Variants in KIF27 observed in about 807,000 individuals in gnomAD.
KIF27 encodes the protein kinesin-like protein KIF27.
KIF27 carries 84 observed loss-of-function variants against 141.8 expected under a neutral mutation model. The observed-to-expected ratio is 0.59, with a 90% CI of 0.50 to 0.71. KIF27 has a LOEUF of 0.71. Among genes scored for constraint, KIF27 ranks in the 30% least tolerant of loss-of-function variants. KIF27 has a pLI of 0.00. For synonymous variants in KIF27, 471 were observed against 569.5 expected (o/e 0.83, Z 2.46); for missense variants, 1,306 against 1,628.4 (o/e 0.80, Z 3.41).
At chr9:83,839,287 C>G (rs902515470) in intron 17 of KIF27, among the ~76,000 whole-genome samples, 4 of 152,192 alleles carry the variant, frequency 2.6e-5, no homozygotes, top group Non-Finnish European at 5.9e-5. Flanking sequence ...CACTTGGATT[C>G]TTCACAAGAA....
At chr9:83,885,460 A>G (rs150297274) in intron 9 of KIF27, among the ~76,000 whole-genome samples, 1 of 152,164 alleles carries the variant, frequency 6.6e-6, no homozygotes, top group Non-Finnish European at 1.5e-5. Flanking sequence ...TATAAAAGTT[A>G]TTTAACTAAA....
chr9:83,838,149 G>A (rs1946116062), intron 17 of KIF27, among the ~76,000 whole-genome samples: 1 of 152,122 alleles, frequency 6.6e-6, no homozygotes, highest in Non-Finnish European at 1.5e-5. Flanking sequence ...ATGCATACAA[G>A]TACTAGACCT....
chr9:83,845,895 C>T (rs572084005), intron 16 of KIF27, among the ~76,000 whole-genome samples: 14 of 152,262 alleles, frequency 9.2e-5, no homozygotes, highest in African/African-American at 3.4e-4. Flanking sequence ...ATATTTGTAT[C>T]CCAAGTGAGT....
At chr9:83,861,955 C>T (rs1949961221) in intron 13 of KIF27, among the ~76,000 whole-genome samples, 1 of 152,158 alleles carries the variant, frequency 6.6e-6, no homozygotes, top group Non-Finnish European at 1.5e-5. Flanking sequence ...TTTCATGTGT[C>T]TGTTGGCTGC....
At chr9:83,919,156 A>G (rs1051185641) in intron 1 of KIF27, among the ~76,000 whole-genome samples, 4 of 152,230 alleles carry the variant, frequency 2.6e-5, no homozygotes, top group African/African-American at 4.8e-5. Context: ...AAGACAGATC[A>G]TAAGTGTTGG....
At position 83,903,574 on chromosome 9, in the gene KIF27, A is replaced by G; in HGVS notation, c.944T>C (p.Ile315Thr). Residue 315 changes from isoleucine to threonine, a missense_variant, in exon 4 of 18, where the codon ATC becomes ACC. Around this residue, in one of 4 missense-constraint regions of KIF27, gnomAD observed 533 missense variants for 565.6 expected, o/e 0.94. Coordinates refer to ENST00000297814, the MANE Select transcript of KIF27 (RefSeq NM_017576.4). Reference sequence around the variant, plus strand: ...CGAGGAGGAGGGGCTGACACATGTGATCATGACAGTCTTAGCACTGCCTCC... The same window carrying G: ...CGAGGAGGAGGGGCTGACACATGTGGTCATGACAGTCTTAGCACTGCCTCC... ...SLGGSAKTVM[I>T]TCVSPSSSNF... 2.5e-6 allele frequency: 4 copies of G among 1,614,168 alleles called. No homozygotes were observed. The highest frequency in any genetic ancestry group is 3.4e-6 in the Non-Finnish European group (4 of 1,180,012).
At chr9:83,876,551 T>C (rs771458937) in intron 11 of KIF27, among the ~76,000 whole-genome samples, 7 of 152,078 alleles carry the variant, frequency 4.6e-5, no homozygotes, top group Admixed American at 1.3e-4. Flanking sequence ...TTTGCAGAAA[T>C]GGAAAGGCCC....
intron 12 of KIF27, chr9:83,868,583 T>A (rs1235464003): frequency 1.3e-5 from 2 of 152,012 alleles, no homozygotes; most frequent in Non-Finnish European, 2.9e-5. Flanking sequence ...AATACAAACA[T>A]AAATATAGAT....
intron 1 of KIF27, among the ~76,000 whole-genome samples, chr9:83,918,332 G>T (rs1239039013): frequency 1.4e-5 from 2 of 139,380 alleles, no homozygotes; most frequent in African/African-American, 5.3e-5. Context: ...ATGGGGGGGG[G>T]GCAGGACAGG....
chr9:83,903,469 C>A lies in KIF27; in HGVS notation c.1049G>T (p.Ser350Ile), dbSNP rs1233501644. The A allele has an allele frequency of 6.2e-7, 1 of 1,614,120 alleles. No homozygotes were observed. The highest frequency in any genetic ancestry group is 1.3e-5 in the African/African-American group (1 of 75,028). The change falls in exon 4 of 18, where the codon AGC (serine) becomes ATC (isoleucine). Residue 350 changes from serine (S) to isoleucine (I), a missense_variant. Physicochemically the swap from Ser to Ile is moderately radical, Grantham distance 142. Around this residue, in one of 4 missense-constraint regions of KIF27, gnomAD observed 533 missense variants for 565.6 expected, o/e 0.94. Coordinates refer to ENST00000297814, the MANE Select transcript of KIF27 (RefSeq NM_017576.4). ...TTCATCTATACGGTCTGACTCGGGG[C>A]TGAAGTTTACAGTGGGTTTGTTTCT... is the stretch of plus-strand genomic sequence containing the variant. ...NIRNKPTVNF[S>I]PESDRIDEME...
chr9:83,919,054 C>T (rs977836453), intron 1 of KIF27, among the ~76,000 whole-genome samples: 7 of 151,974 alleles, frequency 4.6e-5, no homozygotes, highest in African/African-American at 1.7e-4. Context: ...CCATCCTGGG[C>T]GATACACCAA....
chr9:83,900,745 G>A (rs1953793432), intron 4 of KIF27, among the ~76,000 whole-genome samples: 2 of 151,462 alleles, frequency 1.3e-5, no homozygotes, highest in South Asian at 2.1e-4. Context: ...ATATATATAC[G>A]TGTATATATA....
intron 7 of KIF27, among the ~76,000 whole-genome samples, 189 bp downstream of exon 7, chr9:83,888,895 G>A (rs1480097233): frequency 4.7e-5 from 7 of 149,210 alleles, no homozygotes; most frequent in African/African-American, 1.5e-4. Flanking sequence ...TTATTTTTCA[G>A]TTATAAGACT....
chr9:83,887,412 G>A (rs1025555276), intron 8 of KIF27, among the ~76,000 whole-genome samples: 1 of 152,186 alleles, frequency 6.6e-6, no homozygotes, highest in African/African-American at 2.4e-5. Flanking sequence ...ATTAATACAT[G>A]TATGTATATA....
chr9:83,893,907 C>T (rs1322098765), intron 5 of KIF27, among the ~76,000 whole-genome samples: 1 of 151,664 alleles, frequency 6.6e-6, no homozygotes, highest in Non-Finnish European at 1.5e-5. Flanking sequence ...TGAGAGAAGG[C>T]ACAAATAATC....
chr9:83,860,379 T>G (rs1247836674), intron 13 of KIF27, among the ~76,000 whole-genome samples: 1 of 152,190 alleles, frequency 6.6e-6, no homozygotes, highest in Non-Finnish European at 1.5e-5. Flanking sequence ...ATTTTAGACA[T>G]TGTCTACTGA....
intron 15 of KIF27, among the ~76,000 whole-genome samples, chr9:83,851,391 C>A (rs968108410): frequency 1.3e-5 from 2 of 151,970 alleles, no homozygotes; most frequent in Non-Finnish European, 2.9e-5. Context: ...CACTCTGTCA[C>A]CTCAGGTTGG....
intron 2 of KIF27, among the ~76,000 whole-genome samples, chr9:83,913,930 ATTTC>A (rs1344722371): frequency 6.6e-6 from 1 of 152,110 alleles, no homozygotes; most frequent in Non-Finnish European, 1.5e-5. Context: ...TATAATAAAT[ATTTC>A]TTTAATTTAA....
chr9:83,870,707 C>CT (rs544179803), intron 11 of KIF27, 75 bp from the exon 12 acceptor site: 118,273 of 1,206,334 alleles, frequency 0.098, 175 homozygotes, highest in Middle Eastern at 0.11. Flanking sequence ...CAATTATTTT[C>CT]TTTTTTTTTT....
Sources: gnomAD v4.1 joint callset for allele counts (sites outside exome capture counted in the v4.1 genomes callset) on GRCh38, gnomAD v4.1.1 for gene constraint, gnomAD v4.1.1 regional missense constraint, MANE v1.5 for transcripts, NCBI Gene and HGNC (gene_info 2026-07-23, HGNC 2026-07-21) for gene names.